Variants in MEOX2 observed in about 807,000 individuals in gnomAD.
The protein encoded by MEOX2 is mesenchyme homeobox 2.
In MEOX2, 11 loss-of-function variants were observed where a neutral mutation model predicts 27.0. That is an observed-to-expected ratio of 0.41 (90% CI 0.26 to 0.68). The LOEUF is 0.68. Ranked by LOEUF, MEOX2 falls within the 30% of genes least tolerant of loss-of-function variation. The pLI is 0.33. For synonymous variants in MEOX2, 189 were observed against 155.4 expected (o/e 1.22, Z -1.61); for missense variants, 436 against 385.4 (o/e 1.13, Z -1.10).
rs773231199 is a variant in MEOX2 at position 15,612,373 on chromosome 7, G to T, written c.*14C>A. On this transcript the variant is annotated 3_prime_UTR_variant, in exon 3 of 3. Transcript: ENST00000262041. The stretch of plus-strand genomic sequence containing the variant: ...CATTTCTTTCCTGAGAATGGAGCTG[G>T]TCCTCTGTTTATATCATAAGTGCGC... 1 of 1,603,572 alleles carries T rather than the reference G, an allele frequency of 6.2e-7. No homozygotes were observed. Among genetic ancestry groups the T allele is most frequent in the Admixed American group, 1.7e-5 (1 of 60,010 alleles).
At chr7:15,622,568 A>T (rs1781236882) in intron 2 of MEOX2, among the ~76,000 whole-genome samples, 1 of 152,170 alleles carries the variant, frequency 6.6e-6, no homozygotes, top group African/African-American at 2.4e-5. Flanking sequence ...CATATGAAAA[A>T]AATAAGTCTT....
At position 15,620,719 on chromosome 7, in the gene MEOX2, A is replaced by T. The variant is rs17334667; in HGVS notation, c.690+6027T>A. The stretch of plus-strand genomic sequence containing the variant: ...TTGGGCCATTTGATGATTTATGAGT[A>T]AAAAACAAAACATAATCCCTCTCAT... On this transcript the variant is annotated intron_variant, in intron 2 of 2. Coordinates refer to ENST00000262041, the MANE Select transcript of MEOX2 (RefSeq NM_005924.5). 2.0e-5 allele frequency among the ~76,000 whole-genome samples: 3 copies of T among 152,218 alleles called. No individual in the cohort carries two copies. In the East Asian group the frequency reaches 5.8e-4, roughly 29 times the overall value.
intron 1 of MEOX2, among the ~76,000 whole-genome samples, chr7:15,667,035 T>C (rs1782018993): frequency 6.6e-6 from 1 of 150,824 alleles, no homozygotes; most frequent in African/African-American, 2.4e-5. Context: ...CTCACACCTG[T>C]AATCCCAGCA....
chr7:15,634,557 G>A (rs554513674), intron 1 of MEOX2, among the ~76,000 whole-genome samples: 1 of 151,998 alleles, frequency 6.6e-6, no homozygotes, highest in East Asian at 1.9e-4. Context: ...GTTAAATCTG[G>A]CAATCCTAAA....
chr7:15,681,107 C>T (rs1290222972), intron 1 of MEOX2: 1 of 151,650 alleles, frequency 6.6e-6, no homozygotes, highest in Non-Finnish European at 1.5e-5. Context: ...TAAGAAATTC[C>T]TACCTGTAAT....
rs576561521 is a variant in MEOX2 at position 15,683,584 on chromosome 7, A to G, written c.517+2302T>C. The stretch of plus-strand genomic sequence containing the variant: ...ATGAAATAAAATATCTTTGAAGATA[A>G]TTTATGGAACACCTAATGCAATTGT... On this transcript the variant is annotated intron_variant, in intron 1 of 2. Coordinates refer to ENST00000262041, the MANE Select transcript of MEOX2 (RefSeq NM_005924.5). Among the ~76,000 whole-genome samples, 10 of 152,240 alleles carry G rather than the reference A, an allele frequency of 6.6e-5. No individual in the cohort carries two copies. In the South Asian group the frequency reaches 2.1e-3, roughly 32 times the overall value.
At chr7:15,663,175 A>G (rs1781943961) in intron 1 of MEOX2, among the ~76,000 whole-genome samples, 1 of 152,196 alleles carries the variant, frequency 6.6e-6, no homozygotes, top group African/African-American at 2.4e-5. Flanking sequence ...CACAAATAAC[A>G]TTTTATTTTA....
intron 1 of MEOX2, among the ~76,000 whole-genome samples, chr7:15,673,286 G>T (rs1352487447): frequency 6.6e-6 from 1 of 152,170 alleles, no homozygotes; most frequent in East Asian, 1.9e-4. Flanking sequence ...GCACTTTATA[G>T]ATATTATATG....
intron 1 of MEOX2, among the ~76,000 whole-genome samples, chr7:15,682,628 G>A (rs1782311769): frequency 1.3e-5 from 2 of 151,644 alleles, no homozygotes; most frequent in Non-Finnish European, 1.5e-5. Context: ...GTATAACCAT[G>A]CACAAAAGCT....
At chr7:15,669,510 G>C (rs911507708) in intron 1 of MEOX2, among the ~76,000 whole-genome samples, 6 of 152,148 alleles carry the variant, frequency 3.9e-5, no homozygotes, top group African/African-American at 1.4e-4. Context: ...ATCACTAGCA[G>C]GTTAATCCTC....
chr7:15,664,435 CAAT>C (rs900405337), intron 1 of MEOX2, among the ~76,000 whole-genome samples: 7 of 152,034 alleles, frequency 4.6e-5, no homozygotes, highest in Non-Finnish European at 8.8e-5. Flanking sequence ...AGGTAAACAA[CAAT>C]GAGTCATAGT....
rs537035323 is a variant in MEOX2 at position 15,622,113 on chromosome 7, T to C, written c.690+4633A>G. On this transcript the variant is annotated intron_variant, in intron 2 of 2. Transcript: ENST00000262041. ...GCCTTGGTGACAGAGCGAGACTCTG[T>C]CTCAAAAAACAAACACACAAACAAA... Among the ~76,000 whole-genome samples, 20 of 152,166 alleles carry C rather than the reference T, an allele frequency of 1.3e-4. No homozygotes were observed. In the South Asian group the frequency reaches 3.7e-3, roughly 28 times the overall value.
chr7:15,684,761 C>A (rs1001308382), intron 1 of MEOX2, among the ~76,000 whole-genome samples: 7 of 152,228 alleles, frequency 4.6e-5, no homozygotes, highest in African/African-American at 7.2e-5. Flanking sequence ...TTATATTAAA[C>A]AAATGACACC....
chr7:15,684,534 G>A (rs769292895), intron 1 of MEOX2, among the ~76,000 whole-genome samples: 170 of 152,310 alleles, frequency 1.1e-3, no homozygotes, highest in Non-Finnish European at 2.0e-3. Context: ...GACCGTGAGA[G>A]AAGAATCCAT....
intron 1 of MEOX2, among the ~76,000 whole-genome samples, chr7:15,658,536 A>C (rs780906151): frequency 1.3e-5 from 2 of 152,206 alleles, no homozygotes; most frequent in Non-Finnish European, 2.9e-5. Flanking sequence ...GAGGCAAAAA[A>C]GCAAAAAGAG....
At chr7:15,630,455 G>A (rs1052839743) in intron 1 of MEOX2, among the ~76,000 whole-genome samples, 2 of 152,130 alleles carry the variant, frequency 1.3e-5, no homozygotes, top group East Asian at 3.9e-4. Flanking sequence ...ATAAAAGTAC[G>A]ATTGAGAATA....
At chr7:15,627,635 A>C (rs1008680983) in intron 1 of MEOX2, among the ~76,000 whole-genome samples, 2 of 152,080 alleles carry the variant, frequency 1.3e-5, no homozygotes, top group African/African-American at 4.8e-5. Flanking sequence ...ATCAAATCTT[A>C]TAATGCAGTG....
chr7:15,633,564 G>C (rs907943106), intron 1 of MEOX2, among the ~76,000 whole-genome samples: 3 of 151,760 alleles, frequency 2.0e-5, no homozygotes, highest in Non-Finnish European at 4.4e-5. Flanking sequence ...TAAAACCCTT[G>C]GACATGCAAC....
chr7:15,641,657 G>A (rs1355380222), intron 1 of MEOX2, among the ~76,000 whole-genome samples: 1 of 152,048 alleles, frequency 6.6e-6, no homozygotes, highest in African/African-American at 2.4e-5. Context: ...CTCTAATAGT[G>A]TTGTTAGATA....
Sources: gnomAD v4.1 joint callset for allele counts (sites outside exome capture counted in the v4.1 genomes callset) on GRCh38, gnomAD v4.1.1 for gene constraint, MANE v1.5 for transcripts, NCBI Gene and HGNC (gene_info 2026-07-23, HGNC 2026-07-21) for gene names.